FLT3: variants seen among roughly 807,000 people sequenced by gnomAD.
FLT3 encodes the protein fms related receptor tyrosine kinase 3, also known as receptor-type tyrosine-protein kinase FLT3.
FLT3 carries 46 observed loss-of-function variants against 126.6 expected under a neutral mutation model. The observed-to-expected ratio is 0.36, with a 90% CI of 0.29 to 0.46. The LOEUF is 0.46. FLT3 is among the 20% of genes least tolerant of loss of function. FLT3 has a pLI of 1.00. For missense variants in FLT3, 1,069 were observed against 1,190.3 expected (o/e 0.90, Z 1.50); for synonymous variants, 404 against 434.4 (o/e 0.93, Z 0.87).
chr13:28,060,157 G>A (rs188119721), intron 3 of FLT3, among the ~76,000 whole-genome samples: 20 of 151,548 alleles, frequency 1.3e-4, no homozygotes, highest in Non-Finnish European at 2.7e-4. Flanking sequence ...CACTTTGGGA[G>A]GCTGAGGTGA....
intron 1 of FLT3, among the ~76,000 whole-genome samples, chr13:28,097,769 G>A (rs986251822): frequency 5.3e-5 from 8 of 152,174 alleles, no homozygotes; most frequent in Non-Finnish European, 1.0e-4. Context: ...TGGGCTAGGA[G>A]TTTCCAAGAA....
rs772310337 is a variant in FLT3, at chr13:28,037,215, A to G, written c.1279T>C (p.Phe427Leu). 37 of 1,607,520 alleles carry G rather than the reference A, an allele frequency of 2.3e-5. No homozygotes were observed. Among genetic ancestry groups the G allele is most frequent in the Non-Finnish European group, 2.7e-5 (32 of 1,174,222 alleles). The change falls in exon 10 of 24, where the codon TTT becomes CTT. Residue 427 changes from phenylalanine (F) to leucine (L), a missense_variant. Transcript: ENST00000241453. The stretch of plus-strand genomic sequence containing the variant: ...ATATTCAGCGTGAACATTTTGGTAA[A>G]TTGGGCATCATCATTTTCTGCATGG... Reference protein sequence around the residue: ...IFHAENDDAQFTKMFTLNIRR... With the variant: ...IFHAENDDAQLTKMFTLNIRR...
At chr13:28,014,762 C>A (rs531218543) in intron 22 of FLT3, among the ~76,000 whole-genome samples, 1 of 152,070 alleles carries the variant, frequency 6.6e-6, no homozygotes, top group Non-Finnish European at 1.5e-5. Context: ...AGAAACATGA[C>A]GTAGTGGATA....
intron 1 of FLT3, among the ~76,000 whole-genome samples, chr13:28,074,282 T>C (rs923833457): frequency 6.6e-5 from 10 of 152,222 alleles, no homozygotes; most frequent in African/African-American, 9.6e-5. Flanking sequence ...ATCTGTTGTA[T>C]AGATATATAA....
chr13:28,064,833 C>T (rs867606494), intron 2 of FLT3, among the ~76,000 whole-genome samples: 2 of 152,146 alleles, frequency 1.3e-5, no homozygotes, highest in African/African-American at 4.8e-5. Flanking sequence ...GATTCACTCA[C>T]CATTTGAGCC....
intron 9 of FLT3, among the ~76,000 whole-genome samples, chr13:28,039,015 G>A (rs1472888345): frequency 6.6e-6 from 1 of 152,098 alleles, no homozygotes; most frequent in Non-Finnish European, 1.5e-5. Context: ...GGCCTTCATA[G>A]AGGAGGTAGA....
At chr13:28,041,782 G>A (rs959811467) in intron 9 of FLT3, among the ~76,000 whole-genome samples, 1 of 149,928 alleles carries the variant, frequency 6.7e-6, no homozygotes, top group Admixed American at 6.6e-5. Context: ...GGCAGGAGAC[G>A]GAGGTCAGGA....
At position 28,052,554 on chromosome 13, in the gene FLT3, T is replaced by C. The variant is rs551777447; in HGVS notation, c.605A>G (p.Gln202Arg). The change falls in exon 5 of 24, where the codon CAG becomes CGG. Residue 202 changes from glutamine (Q) to arginine (R), a missense_variant. Gln to Arg is a conservative substitution (Grantham distance 43). Coordinates refer to ENST00000241453, the MANE Select transcript of FLT3 (RefSeq NM_004119.3). ...PIVEWVLCDSQGESCKEESPA... is the reference protein window; with the variant it reads ...PIVEWVLCDSRGESCKEESPA... ...CATGGATGTGTCATACCTTTCCCCC[T>C]GTGAATCGCAAAGCACCCATTCCAC... 11 of 1,612,778 alleles carry C rather than the reference T, an allele frequency of 6.8e-6. No individual in the cohort carries two copies. In the East Asian group the frequency reaches 1.8e-4, roughly 26 times the overall value.
intron 20 of FLT3, among the ~76,000 whole-genome samples, chr13:28,016,505 G>A (rs748434132): frequency 1.2e-4 from 18 of 151,968 alleles, no homozygotes; most frequent in Non-Finnish European, 1.8e-4. Context: ...TCCTGACCTC[G>A]TGATCCACCC....
rs2137624324 is a variant in FLT3, at chr13:28,018,589, A to T, written c.2419T>A (p.Cys807Ser). Residue 807 changes from cysteine (C) to serine (S), a missense_variant and splice_region_variant, in exon 20 of 24, where the codon TGT becomes AGT. Cys to Ser is a moderately radical substitution (Grantham distance 112). Transcript: ENST00000241453. ...CTGGCGGCCAGGTCTCTGTGAACAC[A>T]CTGTCAAGAATGACACCAGAGTGTT... ...KGMEFLEFKSCVHRDLAARNV... is the reference protein window; with the variant it reads ...KGMEFLEFKSSVHRDLAARNV... 6.2e-6 allele frequency: 10 copies of T among 1,614,028 alleles called. No individual in the cohort carries two copies. The highest frequency in any genetic ancestry group is 8.5e-6 in the Non-Finnish European group (10 of 1,179,910).
chr13:28,081,755 T>C (rs1267951499), intron 1 of FLT3, among the ~76,000 whole-genome samples: 1 of 152,048 alleles, frequency 6.6e-6, no homozygotes, highest in African/African-American at 2.4e-5. Flanking sequence ...ATACCCTTAA[T>C]TAGCTTGAGG....
intron 8 of FLT3, 126 bp from the exon 9 acceptor site, chr13:28,048,569 G>C (rs966083305): frequency 5.5e-5 from 37 of 672,122 alleles, no homozygotes; most frequent in Non-Finnish European, 8.5e-5. Context: ...CATGCTGCAG[G>C]TCAGGTTGGA....
Position 28,003,989 on chromosome 13 carries a change from T to C in FLT3, c.*63A>G. 6.4e-7 allele frequency: 1 copy of C among 1,574,098 alleles called. No individual in the cohort carries two copies. Among genetic ancestry groups the C allele is most frequent in the Non-Finnish European group, 8.7e-7 (1 of 1,147,228 alleles). On this transcript the variant is annotated 3_prime_UTR_variant, in exon 24 of 24. Coordinates refer to ENST00000241453, the MANE Select transcript of FLT3 (RefSeq NM_004119.3). Reference sequence around the variant, plus strand: ...TTTAGTGATGAAATTAATCTTGTTTTGGTAATCTACAGCCTGTTAGGGATA... The same window carrying C: ...TTTAGTGATGAAATTAATCTTGTTTCGGTAATCTACAGCCTGTTAGGGATA...
intron 5 of FLT3, 123 bp from the exon 6 acceptor site, chr13:28,050,345 G>C (rs553438779): frequency 1.1e-6 from 1 of 872,030 alleles, no homozygotes; most frequent in South Asian, 1.7e-5. Flanking sequence ...AAGGTCAAAA[G>C]GTAAACAAGC....
At chr13:28,060,620 T>A (rs954119418) in intron 3 of FLT3, among the ~76,000 whole-genome samples, 4 of 152,164 alleles carry the variant, frequency 2.6e-5, no homozygotes, top group African/African-American at 9.7e-5. Context: ...TTTTCTTTTT[T>A]TTGAGACGGA....
At chr13:28,049,869 C>T in intron 6 of FLT3, 95 bp from the exon 7 acceptor site, 1 of 1,327,782 alleles carries the variant, frequency 7.5e-7, no homozygotes, top group Non-Finnish European at 1.0e-6. Context: ...ACTTTAGCAT[C>T]ATCTCAAATA....
intron 1 of FLT3, among the ~76,000 whole-genome samples, chr13:28,096,781 G>C (rs1879482195): frequency 1.3e-5 from 2 of 152,032 alleles, no homozygotes; most frequent in Admixed American, 1.3e-4. Flanking sequence ...TAACTGTGTT[G>C]GAAGGTTTAA....
At chr13:28,036,436 T>C (rs973644192) in intron 10 of FLT3, among the ~76,000 whole-genome samples, 1 of 152,208 alleles carries the variant, frequency 6.6e-6, no homozygotes, top group African/African-American at 2.4e-5. Flanking sequence ...TGGAGAGAGC[T>C]GAGGTACAGA....
chr13:28,044,449 CAAAA>C (rs34061361), intron 9 of FLT3, among the ~76,000 whole-genome samples: 2 of 129,096 alleles, frequency 1.5e-5, no homozygotes, highest in Non-Finnish European at 1.7e-5. Flanking sequence ...GACTCTGTCT[CAAAA>C]AAAAAAAAAA....
Sources: allele counts gnomAD v4.1 joint callset (sites outside exome capture counted in the v4.1 genomes callset), GRCh38; gene constraint gnomAD v4.1.1; transcripts MANE v1.5; gene names NCBI Gene and HGNC (gene_info 2026-07-23, HGNC 2026-07-21).